BEND7: variants seen among roughly 807,000 people sequenced by gnomAD.
The protein encoded by BEND7 is BEN domain-containing protein 7.
Under a neutral mutation model 50.9 loss-of-function variants are expected in BEND7, and 28 were observed. The observed-to-expected ratio is 0.55, with a 90% confidence interval of 0.41 to 0.75. The LOEUF is 0.75. BEND7 is among the 30% of genes least tolerant of loss of function. The probability of loss-of-function intolerance (pLI) is 0.00; values close to 1 mark genes in which losing one functional copy is unlikely to be tolerated. For synonymous variants in BEND7, 170 were observed against 183.9 expected, an observed-to-expected ratio of 0.92 and a Z score of 0.61; for missense variants, 477 against 491.3, an observed-to-expected ratio of 0.97 and a Z score of 0.28.
chr10:13,487,386 T>C (rs2027397), intron 5 of BEND7, among the ~76,000 whole-genome samples: 3 of 110,862 alleles, frequency 2.7e-5, no homozygotes, highest in Non-Finnish European at 5.3e-5. Context: ...TTCTTTTCTT[T>C]TCTTTTTTTT....
At chr10:13,482,086 A>G (rs2075905357) in intron 5 of BEND7, among the ~76,000 whole-genome samples, 1 of 152,200 alleles carries the variant, frequency 6.6e-6, no homozygotes, top group African/African-American at 2.4e-5. Flanking sequence ...TTTAGCAGAC[A>G]TATGATTCTA....
At chr10:13,508,811 C>T (rs1390393188) in intron 2 of BEND7, among the ~76,000 whole-genome samples, 1 of 152,200 alleles carries the variant, frequency 6.6e-6, no homozygotes, top group Admixed American at 6.5e-5. Flanking sequence ...AGTTTACAGC[C>T]TAGCACAGGA....
chr10:13,448,972 C>CAA (rs35336154), intron 7 of BEND7, among the ~76,000 whole-genome samples: 196 of 56,486 alleles, frequency 3.5e-3, no homozygotes, highest in Admixed American at 6.6e-3. Flanking sequence ...GACTCCATCT[C>CAA]AAAAAAAAAA....
At position 13,496,776 on chromosome 10, in the gene BEND7, T is replaced by C; in HGVS notation, c.561A>G (p.Gln187=). 1 of 1,613,496 alleles carries C rather than the reference T, an allele frequency of 6.2e-7. No homozygotes were observed. Among genetic ancestry groups the C allele is most frequent in the Non-Finnish European group, 8.5e-7 (1 of 1,179,812 alleles). ...QELKTMRKLM[Q]IQAVGTQNRQ... ...GCCTGATCCTTGTACCTGCTTGAAT[T>C]TGCATTAATTTCCTCATGGTCTTGA... The change falls in exon 4 of 9, where the codon CAA becomes CAG. Residue 187 remains glutamine (Q), a synonymous_variant. Coordinates refer to ENST00000466271, the MANE Select transcript of BEND7 (RefSeq NM_001369863.1).
At chr10:13,451,097 C>A (rs886447995) in intron 7 of BEND7, among the ~76,000 whole-genome samples, 3 of 151,984 alleles carry the variant, frequency 2.0e-5, no homozygotes, top group Non-Finnish European at 4.4e-5. Flanking sequence ...GGCAGCAGAA[C>A]ATTTACACTG....
intron 6 of BEND7, among the ~76,000 whole-genome samples, chr10:13,478,909 T>A (rs1221183375): frequency 6.6e-6 from 1 of 152,166 alleles, no homozygotes; most frequent in Non-Finnish European, 1.5e-5. Flanking sequence ...ATTGGAATAA[T>A]CTACTTTATT....
downstream of BEND7, among the ~76,000 whole-genome samples, chr10:13,439,950 C>T (rs1835127395): frequency 6.6e-6 from 1 of 152,226 alleles, no homozygotes; most frequent in Non-Finnish European, 1.5e-5. Context: ...ATCCCGAAAC[C>T]AGTCGCCCTA....
downstream of BEND7, among the ~76,000 whole-genome samples, chr10:13,440,481 GC>G (rs775688357): frequency 6.8e-4 from 103 of 152,322 alleles, no homozygotes; most frequent in Non-Finnish European, 1.3e-3. Flanking sequence ...CTACCCGCCC[GC>G]CTCTCCTCAC....
chr10:13,478,158 C>T (rs547328582), intron 6 of BEND7, among the ~76,000 whole-genome samples: 1 of 152,274 alleles, frequency 6.6e-6, no homozygotes, highest in South Asian at 2.1e-4. Flanking sequence ...GAACAGGTGA[C>T]AGCCCGTGAC....
intron 5 of BEND7, among the ~76,000 whole-genome samples, chr10:13,481,653 G>A (rs2075868676): frequency 6.6e-6 from 1 of 152,220 alleles, no homozygotes; most frequent in Admixed American, 6.5e-5. Context: ...TAGCTGCAGA[G>A]ATATTTTTTT....
intron 7 of BEND7, among the ~76,000 whole-genome samples, chr10:13,449,864 TTG>T (rs1837311303): frequency 6.6e-6 from 1 of 152,230 alleles, no homozygotes; most frequent in Non-Finnish European, 1.5e-5. Context: ...GAAGGCACTG[TTG>T]TGTTACTCAA....
chr10:13,452,499 T>C (rs759321446), intron 7 of BEND7, 40 bp downstream of exon 7: 3 of 1,571,896 alleles, frequency 1.9e-6, no homozygotes, highest in Non-Finnish European at 2.6e-6. Context: ...TAAGAATTCA[T>C]AAGTGCTTCT....
upstream of BEND7, among the ~76,000 whole-genome samples, chr10:13,529,395 G>A (rs989291206): frequency 1.3e-5 from 2 of 152,090 alleles, no homozygotes; most frequent in East Asian, 3.9e-4. Context: ...GGCCCGACGC[G>A]CTGATTTTAA....
intron 5 of BEND7, among the ~76,000 whole-genome samples, chr10:13,490,733 T>C (rs555834461): frequency 5.8e-4 from 88 of 152,320 alleles, no homozygotes; most frequent in African/African-American, 2.0e-3. Flanking sequence ...CCACCCTGCT[T>C]TTACCAATGC....
intron 2 of BEND7, among the ~76,000 whole-genome samples, chr10:13,504,379 G>A (rs962720606): frequency 5.9e-5 from 9 of 152,318 alleles, no homozygotes; most frequent in African/African-American, 7.2e-5. Flanking sequence ...AGGGGCACAT[G>A]GTAGTCCAGG....
At chr10:13,528,446 G>A in intron 1 of BEND7, 27 bp downstream of exon 1, 1 of 1,001,170 alleles carries the variant, frequency 1.0e-6, no homozygotes, top group South Asian at 4.2e-5. Context: ...CCCGCTGCCT[G>A]CCCCCGCCGC....
chr10:13,468,526 G>A (rs2074482172), intron 6 of BEND7, among the ~76,000 whole-genome samples: 1 of 152,204 alleles, frequency 6.6e-6, no homozygotes, highest in Non-Finnish European at 1.5e-5. Flanking sequence ...ATAGGCCAAG[G>A]GGAAGTAAGT....
rs1368235262 is a variant in BEND7 at position 13,528,643 on chromosome 10, C to T, written c.-110G>A. On this transcript the variant is annotated 5_prime_UTR_variant, in exon 1 of 9. Transcript: ENST00000466271. Reference sequence around the variant, plus strand: ...GCTCGTGTCACCGCGGCGGAGCCGCCGGGACCAAGGTCCGCGCCTGGAGTC... The same window carrying T: ...GCTCGTGTCACCGCGGCGGAGCCGCTGGGACCAAGGTCCGCGCCTGGAGTC... 21 of 539,472 alleles carry T rather than the reference C, an allele frequency of 3.9e-5. No individual in the cohort carries two copies. The Middle Eastern group carries it at 2.8e-3, about 71-fold the overall frequency. 33.4% of individuals were successfully genotyped at this position (539,472 alleles called of 1,614,324 possible).
intron 5 of BEND7, among the ~76,000 whole-genome samples, chr10:13,487,394 T>TC (rs1355471906): frequency 4.7e-5 from 7 of 149,858 alleles, no homozygotes; most frequent in Non-Finnish European, 5.9e-5. Context: ...TTTTCTTTTT[T>TC]TTTTTTTTTT....
Sources: gnomAD v4.1 joint callset for allele counts (sites outside exome capture counted in the v4.1 genomes callset) on GRCh38, gnomAD v4.1.1 for gene constraint, MANE v1.5 for transcripts, NCBI Gene and HGNC (gene_info 2026-07-23, HGNC 2026-07-21) for gene names.